The following RAD51B variants were observed in gnomAD, a reference collection of about 807,000 sequenced individuals.
RAD51B encodes the protein RAD51 paralog B, also known as DNA repair protein RAD51 homolog 2.
RAD51B carries 38 observed loss-of-function variants against 42.2 expected under a neutral mutation model. The ratio of observed to expected loss-of-function variants is 0.90; its 90% CI spans 0.70 to 1.18. RAD51B has a LOEUF of 1.18. RAD51B is among the 50% of genes most tolerant of loss of function. RAD51B has a pLI of 0.00. For synonymous variants in RAD51B, 154 were observed against 145.2 expected (o/e 1.06, Z -0.43); for missense variants, 373 against 400.7 (o/e 0.93, Z 0.59).
intron 7 of RAD51B, among the ~76,000 whole-genome samples, chr14:68,195,856 C>T (rs1462022200): frequency 1.4e-4 from 20 of 143,904 alleles, no homozygotes; most frequent in African/African-American, 3.6e-4. Flanking sequence ...TGTGGTGAGC[C>T]GAGATCACAC....
At chr14:68,386,179 C>G (rs1032273865) in intron 8 of RAD51B, among the ~76,000 whole-genome samples, 1 of 152,158 alleles carries the variant, frequency 6.6e-6, no homozygotes, top group African/African-American at 2.4e-5. Context: ...AGGCCACATA[C>G]AAGCTATTGG....
At chr14:68,090,885 T>C (rs1249590662) in intron 7 of RAD51B, among the ~76,000 whole-genome samples, 1 of 116,248 alleles carries the variant, frequency 8.6e-6, no homozygotes, top group Non-Finnish European at 1.6e-5. Flanking sequence ...CAGAGTGTGA[T>C]GTTCCCCTTC....
Position 68,226,709 on chromosome 14 carries a change from A to G in RAD51B, c.757-65175A>G, listed in dbSNP as rs1203103091. Among the ~76,000 whole-genome samples, 13 of 152,328 alleles carry G rather than the reference A, an allele frequency of 8.5e-5. No individual in the cohort carries two copies. In the East Asian group the frequency reaches 1.9e-3, roughly 23 times the overall value. On this transcript the variant is annotated intron_variant, in intron 7 of 10. Coordinates refer to ENST00000471583, the MANE Select transcript of RAD51B (RefSeq NM_133510.4). The stretch of plus-strand genomic sequence containing the variant: ...TATGTCTTTATTAGCGCATGAGAAC[A>G]TACTAATACATCCTCCAACCCATTT...
intron 10 of RAD51B, among the ~76,000 whole-genome samples, chr14:68,526,987 C>A (rs184852446): frequency 6.6e-6 from 1 of 152,172 alleles, no homozygotes; most frequent in African/African-American, 2.4e-5. Context: ...TGACTCTTAG[C>A]GGCTGCTTGG....
intron 10 of RAD51B, among the ~76,000 whole-genome samples, chr14:68,539,874 C>T (rs968893573): frequency 1.1e-4 from 16 of 152,206 alleles, no homozygotes; most frequent in Admixed American, 3.3e-4. Context: ...TGAAAGGATG[C>T]TAAACTGTGG....
chr14:67,864,992 T>TAGA lies in RAD51B; in HGVS notation c.316-11_316-10insAGA. 1 of 1,324,934 alleles carries TAGA rather than the reference T, an allele frequency of 7.5e-7. No homozygotes were observed. The highest frequency in any genetic ancestry group is 9.6e-7 in the Non-Finnish European group (1 of 1,042,520). 82.1% of individuals were successfully genotyped at this position (1,324,934 alleles called of 1,614,324 possible). On this transcript the variant is annotated splice_polypyrimidine_tract_variant and intron_variant, in intron 4 of 10. Coordinates refer to ENST00000471583, the MANE Select transcript of RAD51B (RefSeq NM_133510.4). Reference sequence around the variant, plus strand: ...TTTTTTTTTTTTTTTTTTTTTTTTTTTTTTTTTTAGATTACAGGTCCACCA... The same window carrying TAGA: ...TTTTTTTTTTTTTTTTTTTTTTTTTTAGATTTTTTTTAGATTACAGGTCCACCA...
chr14:68,132,399 C>CAA, intron 7 of RAD51B, among the ~76,000 whole-genome samples: 1 of 152,168 alleles, frequency 6.6e-6, no homozygotes, highest in African/African-American at 2.4e-5. Context: ...GGATGTAAGG[C>CAA]AATAGTTGGA....
At chr14:68,182,856 T>G (rs1041814291) in intron 7 of RAD51B, among the ~76,000 whole-genome samples, 5 of 152,214 alleles carry the variant, frequency 3.3e-5, no homozygotes, top group African/African-American at 9.6e-5. Context: ...GAACATAAGC[T>G]TTGAGCCACC....
intron 4 of RAD51B, among the ~76,000 whole-genome samples, chr14:67,851,651 G>T (rs1365535436): frequency 6.6e-6 from 1 of 152,062 alleles, no homozygotes; most frequent in African/African-American, 2.4e-5. Context: ...TGATGGTGAT[G>T]GGGGGTGTAC....
chr14:68,330,717 A>G (rs2082331040), intron 8 of RAD51B, among the ~76,000 whole-genome samples: 1 of 152,258 alleles, frequency 6.6e-6, no homozygotes, highest in South Asian at 2.1e-4. Flanking sequence ...ACAAAGGAAT[A>G]CTAGCATTAA....
chr14:68,198,628 G>A (rs545361996), intron 7 of RAD51B, among the ~76,000 whole-genome samples: 1 of 152,182 alleles, frequency 6.6e-6, no homozygotes, highest in South Asian at 2.1e-4. Context: ...ATATCTTATG[G>A]TTCTCAGTGC....
At chr14:68,159,710 T>A (rs1463398133) in intron 7 of RAD51B, among the ~76,000 whole-genome samples, 15 of 152,186 alleles carry the variant, frequency 9.9e-5, no homozygotes. Context: ...CTATTTCCAA[T>A]GCTTTCTAAC....
At chr14:68,269,335 G>GC (rs2081057607) in intron 7 of RAD51B, among the ~76,000 whole-genome samples, 1 of 152,174 alleles carries the variant, frequency 6.6e-6, no homozygotes, top group South Asian at 2.1e-4. Flanking sequence ...AGCCTCCAAG[G>GC]CACTGCCTGA....
At chr14:67,942,953 G>A (rs527851633) in intron 7 of RAD51B, among the ~76,000 whole-genome samples, 1 of 151,924 alleles carries the variant, frequency 6.6e-6, no homozygotes, top group African/African-American at 2.4e-5. Context: ...ACGTTCTTTT[G>A]TCAGTTTTCT....
chr14:68,282,375 C>T (rs145361528), intron 7 of RAD51B, among the ~76,000 whole-genome samples: 3 of 152,302 alleles, frequency 2.0e-5, no homozygotes, highest in Admixed American at 6.5e-5. Flanking sequence ...AGGGCATCAC[C>T]GTGGGAGGAA....
intron 7 of RAD51B, among the ~76,000 whole-genome samples, chr14:68,094,346 A>G (rs1247019175): frequency 2.0e-5 from 3 of 152,120 alleles, no homozygotes. Context: ...GCATCGTTTG[A>G]GGTAGCACAT....
chr14:68,093,547 T>A (rs1467680666), intron 7 of RAD51B, among the ~76,000 whole-genome samples: 5 of 152,186 alleles, frequency 3.3e-5, no homozygotes, highest in Admixed American at 3.3e-4. Flanking sequence ...GGTGGTGATA[T>A]CCCCTTTATC....
At chr14:68,391,077 T>C (rs2083738030) in intron 8 of RAD51B, among the ~76,000 whole-genome samples, 1 of 152,238 alleles carries the variant, frequency 6.6e-6, no homozygotes, top group Admixed American at 6.5e-5. Context: ...TAGGATATGT[T>C]CACAAGATAC....
intron 7 of RAD51B, among the ~76,000 whole-genome samples, chr14:67,960,039 C>T (rs368715809): frequency 6.6e-5 from 10 of 151,554 alleles, no homozygotes; most frequent in East Asian, 5.8e-4. Flanking sequence ...GAGCTGAGAT[C>T]GCGCCACTGC....
Sources: allele counts gnomAD v4.1 joint callset (sites outside exome capture counted in the v4.1 genomes callset), GRCh38; gene constraint gnomAD v4.1.1; transcripts MANE v1.5; gene names NCBI Gene and HGNC (gene_info 2026-07-23, HGNC 2026-07-21).